The following TMEM272 variants were observed in gnomAD, a reference collection of about 807,000 sequenced individuals.
TMEM272 encodes transmembrane protein 272.
TMEM272 carries 8 observed loss-of-function variants against 3.7 expected under a neutral mutation model. The observed-to-expected ratio is 2.17, with a 90% CI of 1.27 to 3.91. The LOEUF is 3.91. Ranked by LOEUF, TMEM272 falls within the 30% of genes most tolerant of loss-of-function variation. TMEM272 has a pLI of 0.00. For synonymous variants in TMEM272, 63 were observed against 39.8 expected (o/e 1.58, Z -2.20); for missense variants, 166 against 91.5 (o/e 1.81, Z -3.32).
At chr13:51,913,411 AGAAT>A in the TMEM272 span, among the ~76,000 whole-genome samples, 5 of 152,256 alleles carry the variant, frequency 3.3e-5, no homozygotes, top group African/African-American at 1.2e-4. Context: ...GCAATGCAGC[AGAAT>A]GAACCTCTTG....
rs916795141 is a variant in TMEM272 at position 51,816,011 on chromosome 13, C to G, written c.*740G>C. 6 of 152,440 alleles carry G rather than the reference C, an allele frequency of 3.9e-5. No homozygotes were observed. Among genetic ancestry groups the G allele is most frequent in the African/African-American group, 1.4e-4 (6 of 41,482 alleles). 9.4% of individuals were successfully genotyped at this position (152,440 alleles called of 1,614,324 possible). On this transcript the variant is annotated 3_prime_UTR_variant, in exon 5 of 5. Transcript: ENST00000629372. ...AGAGAGGTACTTGAATAGCCAGAGG[C>G]AGAGACAGACTCAAGGCCAAGCAAA...
chr13:51,885,629 T>C, the TMEM272 span, among the ~76,000 whole-genome samples: 1 of 152,220 alleles, frequency 6.6e-6, no homozygotes, highest in Non-Finnish European at 1.5e-5. Context: ...TGGGCATGTA[T>C]AAAATTTGCA....
At chr13:51,879,944 A>G in the TMEM272 span, among the ~76,000 whole-genome samples, 8 of 152,208 alleles carry the variant, frequency 5.3e-5, no homozygotes, top group Non-Finnish European at 7.3e-5. Flanking sequence ...TCGAGTCATT[A>G]TGGATGCCTC....
the TMEM272 span, among the ~76,000 whole-genome samples, chr13:51,921,039 GT>G: frequency 2.7e-4 from 41 of 152,324 alleles, no homozygotes; most frequent in African/African-American, 9.4e-4. Context: ...GCGACGCCTG[GT>G]GGGAGAGGAG....
the TMEM272 span, among the ~76,000 whole-genome samples, chr13:51,851,261 G>C: frequency 5.3e-5 from 8 of 151,986 alleles, no homozygotes; most frequent in Admixed American, 5.2e-4. Context: ...TTGAGCCTGA[G>C]ATGTGGAAGG....
chr13:51,864,793 T>C, the TMEM272 span, among the ~76,000 whole-genome samples: 1 of 152,326 alleles, frequency 6.6e-6, no homozygotes, highest in East Asian at 1.9e-4. Context: ...TCTTGGTCCA[T>C]GTCCCTGGAA....
At chr13:51,818,796 T>C (rs1237652700) in intron 4 of TMEM272, among the ~76,000 whole-genome samples, 2 of 152,290 alleles carry the variant, frequency 1.3e-5, no homozygotes, top group African/African-American at 4.8e-5. Context: ...GAGTGGTTAG[T>C]TTAATGCTTG....
At chr13:51,878,713 A>C in the TMEM272 span, among the ~76,000 whole-genome samples, 4 of 152,244 alleles carry the variant, frequency 2.6e-5, no homozygotes, top group Admixed American at 6.5e-5. Context: ...GGTAAGGGCC[A>C]GAGAGATTTT....
chr13:51,904,540 C>T, the TMEM272 span, among the ~76,000 whole-genome samples: 3 of 151,902 alleles, frequency 2.0e-5, no homozygotes, highest in Admixed American at 1.3e-4. Flanking sequence ...ATGGTATGGA[C>T]GTGGAAAAGA....
intron 1 of TMEM272, among the ~76,000 whole-genome samples, chr13:51,841,857 G>A (rs1019862320): frequency 2.0e-5 from 3 of 152,156 alleles, no homozygotes; most frequent in African/African-American, 7.2e-5. Context: ...AGAATGATGT[G>A]CTGTGAATTC....
intron 3 of TMEM272, among the ~76,000 whole-genome samples, chr13:51,825,112 TATA>T (rs1956112831): frequency 6.6e-6 from 1 of 152,214 alleles, no homozygotes; most frequent in Non-Finnish European, 1.5e-5. Flanking sequence ...AACAGAGCCA[TATA>T]ATAAGTGTTA....
chr13:51,872,932 T>G, the TMEM272 span, among the ~76,000 whole-genome samples: 3 of 152,168 alleles, frequency 2.0e-5, no homozygotes, highest in Non-Finnish European at 4.4e-5. Context: ...CCCCCTCTTC[T>G]GGGAAGCCCC....
chr13:51,891,349 G>C, the TMEM272 span, among the ~76,000 whole-genome samples: 5 of 152,138 alleles, frequency 3.3e-5, no homozygotes, highest in Admixed American at 6.5e-5. Context: ...CCCATGAATA[G>C]AGATTATTTG....
the TMEM272 span, chr13:51,865,548 T>A: frequency 3.1e-6 from 5 of 1,614,022 alleles, 1 homozygote; most frequent in South Asian, 5.5e-5. Context: ...GAGATGAAAA[T>A]TTTTCGTGAA....
chr13:51,919,889 A>G, the TMEM272 span, among the ~76,000 whole-genome samples: 3 of 152,202 alleles, frequency 2.0e-5, no homozygotes, highest in African/African-American at 4.8e-5. Context: ...TTTCATCTCT[A>G]TGCTATTAAT....
At chr13:51,872,423 C>A in the TMEM272 span, among the ~76,000 whole-genome samples, 1 of 151,904 alleles carries the variant, frequency 6.6e-6, no homozygotes, top group Non-Finnish European at 1.5e-5. Context: ...GAGGCTTAGA[C>A]CAGGAGTTCC....
the TMEM272 span, among the ~76,000 whole-genome samples, chr13:51,931,933 G>A: frequency 2.0e-5 from 3 of 152,154 alleles, no homozygotes; most frequent in East Asian, 3.9e-4. Flanking sequence ...ATATGATAAC[G>A]GACTATGCCA....
chr13:51,893,350 T>A, the TMEM272 span, among the ~76,000 whole-genome samples: 1 of 152,238 alleles, frequency 6.6e-6, no homozygotes, highest in Non-Finnish European at 1.5e-5. Context: ...AAGAAGTACA[T>A]GCGAAAAGCA....
At chr13:51,824,678 C>A (rs1593591948) in intron 3 of TMEM272, among the ~76,000 whole-genome samples, 1 of 152,168 alleles carries the variant, frequency 6.6e-6, no homozygotes, top group Non-Finnish European at 1.5e-5. Flanking sequence ...ACTGGCTGGG[C>A]GCGGTGGCTC....
Sources: gnomAD v4.1 joint callset for allele counts (sites outside exome capture counted in the v4.1 genomes callset) on GRCh38, gnomAD v4.1.1 for gene constraint, MANE v1.5 for transcripts, NCBI Gene and HGNC (gene_info 2026-07-23, HGNC 2026-07-21) for gene names.